The following ATP6V0D2 variants were observed in gnomAD, a reference collection of about 807,000 sequenced individuals.
ATP6V0D2 encodes the protein ATPase H+ transporting V0 subunit d2.
A neutral mutation model predicts 40.0 loss-of-function variants in ATP6V0D2; 40 were observed. The observed-to-expected ratio is 1.00, with a 90% CI of 0.78 to 1.30. The LOEUF (loss-of-function observed/expected upper bound fraction) is 1.30, where lower values mean the gene tolerates loss of function less well. Among genes scored for constraint, ATP6V0D2 ranks in the 50% most tolerant of loss-of-function variants. The pLI, the probability that ATP6V0D2 is intolerant of heterozygous loss-of-function variation, is 0.00. For missense variants in ATP6V0D2, 470 were observed against 423.1 expected, an observed-to-expected ratio of 1.11 and a Z score of -0.97; for synonymous variants, 179 against 156.3, an observed-to-expected ratio of 1.15 and a Z score of -1.08.
chr8:86,144,670 G>A (rs1410852565), intron 5 of ATP6V0D2, among the ~76,000 whole-genome samples: 3 of 152,008 alleles, frequency 2.0e-5, no homozygotes, highest in Non-Finnish European at 4.4e-5. Context: ...TTGTTTGTTT[G>A]TTTTGATTTT....
At chr8:86,106,423 A>G (rs1356511939) in intron 1 of ATP6V0D2, among the ~76,000 whole-genome samples, 1 of 152,180 alleles carries the variant, frequency 6.6e-6, no homozygotes, top group Admixed American at 6.5e-5. Flanking sequence ...GTGAGCACTG[A>G]TAAGTGCTTT....
intron 2 of ATP6V0D2, among the ~76,000 whole-genome samples, chr8:86,125,932 A>G (rs534648169): frequency 6.7e-6 from 1 of 149,512 alleles, no homozygotes; most frequent in South Asian, 2.1e-4. Flanking sequence ...ACTTAATTTA[A>G]TTCATTAACT....
intron 2 of ATP6V0D2, among the ~76,000 whole-genome samples, chr8:86,120,265 G>C (rs1368890076): frequency 6.6e-6 from 1 of 152,064 alleles, no homozygotes; most frequent in Non-Finnish European, 1.5e-5. Context: ...GCCCAGTGTG[G>C]TGGTACATAC....
chr8:86,145,173 AGAAAG>A (rs1288683631), intron 5 of ATP6V0D2, among the ~76,000 whole-genome samples: 12 of 59,190 alleles, frequency 2.0e-4, no homozygotes, highest in African/African-American at 6.7e-4. Flanking sequence ...AAAGAAAGAG[AGAAAG>A]AGAGAAAGAA....
In ATP6V0D2 at chr8:86,098,967, A is replaced by G. The variant is rs763449538; in HGVS notation, c.-12A>G. 1.9e-6 allele frequency: 3 copies of G among 1,612,444 alleles called. No homozygotes were observed. Among genetic ancestry groups the G allele is most frequent in the South Asian group, 1.1e-5 (1 of 90,752 alleles). On this transcript the variant is annotated 5_prime_UTR_variant, in exon 1 of 8. Coordinates refer to ENST00000285393, the MANE Select transcript of ATP6V0D2 (RefSeq NM_152565.1). ...GCTGTTTCACCCTACCTTGGCTTCA[A>G]TCTCTTCCCCCATGCTCGAAGGTGC...
rs185038334 is a variant in ATP6V0D2, at chr8:86,109,922, C to T, written c.131-3787C>T. Among the ~76,000 whole-genome samples, 798 of 152,212 alleles carry T rather than the reference C, an allele frequency of 5.2e-3. 1 individual carries two copies. The highest frequency in any genetic ancestry group is 0.018 in the African/African-American group (731 of 41,542). ...CTACCAGAGCAATCCATTCATAGCT[C>T]GCAGTGGCTTCCTGTTATCTCAGGA... On this transcript the variant is annotated intron_variant, in intron 1 of 7. Coordinates refer to ENST00000285393, the MANE Select transcript of ATP6V0D2 (RefSeq NM_152565.1).
At chr8:86,124,085 T>C (rs1326807529) in intron 2 of ATP6V0D2, among the ~76,000 whole-genome samples, 2 of 152,158 alleles carry the variant, frequency 1.3e-5, no homozygotes, top group African/African-American at 4.8e-5. Flanking sequence ...ATCCTGAGTC[T>C]CTGGTCGGAA....
chr8:86,118,659 A>G (rs1410915688), intron 2 of ATP6V0D2, among the ~76,000 whole-genome samples: 1 of 152,152 alleles, frequency 6.6e-6, no homozygotes, highest in East Asian at 1.9e-4. Context: ...AATACCTGGC[A>G]TGGATAATTA....
intron 2 of ATP6V0D2, among the ~76,000 whole-genome samples, chr8:86,137,741 A>T (rs1818917389): frequency 6.6e-6 from 1 of 152,104 alleles, no homozygotes; most frequent in Non-Finnish European, 1.5e-5. Context: ...AAAGCACATA[A>T]TGTGAGGGTT....
intron 2 of ATP6V0D2, among the ~76,000 whole-genome samples, chr8:86,129,925 T>G (rs1450884301): frequency 6.9e-6 from 1 of 144,698 alleles, no homozygotes; most frequent in Non-Finnish European, 1.5e-5. Context: ...TGCAGTGGTC[T>G]GTGATTGTAC....
At chr8:86,122,989 C>T (rs1818692956) in intron 2 of ATP6V0D2, among the ~76,000 whole-genome samples, 1 of 152,170 alleles carries the variant, frequency 6.6e-6, no homozygotes, top group Non-Finnish European at 1.5e-5. Context: ...ACTATCAATT[C>T]CATGCTTCTT....
intron 5 of ATP6V0D2, among the ~76,000 whole-genome samples, chr8:86,143,917 G>A (rs963941276): frequency 3.3e-5 from 5 of 152,050 alleles, no homozygotes; most frequent in Non-Finnish European, 5.9e-5. Flanking sequence ...CCACAACTTG[G>A]CATCAAAAGT....
chr8:86,125,780 G>T (rs1378237326), intron 2 of ATP6V0D2, among the ~76,000 whole-genome samples: 1 of 151,684 alleles, frequency 6.6e-6, no homozygotes, highest in African/African-American at 2.4e-5. Flanking sequence ...ATGCATAGTT[G>T]GGCTTATTGT....
intron 1 of ATP6V0D2, among the ~76,000 whole-genome samples, chr8:86,110,409 A>G (rs1744177091): frequency 6.6e-6 from 1 of 152,180 alleles, no homozygotes; most frequent in East Asian, 1.9e-4. Flanking sequence ...GTGTTTTAAT[A>G]TATGTATTAA....
chr8:86,106,320 A>G (rs1818470495), intron 1 of ATP6V0D2, among the ~76,000 whole-genome samples: 1 of 152,048 alleles, frequency 6.6e-6, no homozygotes, highest in Non-Finnish European at 1.5e-5. Context: ...ATTTGCAAAG[A>G]CAAGGTCTCA....
intron 1 of ATP6V0D2, among the ~76,000 whole-genome samples, chr8:86,105,373 T>A (rs935529159): frequency 1.3e-5 from 2 of 151,870 alleles, no homozygotes; most frequent in African/African-American, 4.8e-5. Flanking sequence ...TCTCAGTTAC[T>A]GCAACCTCTA....
chr8:86,123,968 T>A (rs1818707081), intron 2 of ATP6V0D2, among the ~76,000 whole-genome samples: 1 of 152,196 alleles, frequency 6.6e-6, no homozygotes, highest in Admixed American at 6.5e-5. Context: ...GTTTTGTGTC[T>A]TTCTTTCCCC....
intron 1 of ATP6V0D2, among the ~76,000 whole-genome samples, chr8:86,104,676 T>C (rs1818445860): frequency 2.0e-5 from 3 of 152,124 alleles, no homozygotes; most frequent in Non-Finnish European, 1.5e-5. Flanking sequence ...TGTCACTGTT[T>C]ACCCATATAT....
At chr8:86,102,746 G>A (rs1465221366) in intron 1 of ATP6V0D2, among the ~76,000 whole-genome samples, 1 of 152,148 alleles carries the variant, frequency 6.6e-6, no homozygotes, top group East Asian at 1.9e-4. Context: ...CTGACTAATT[G>A]TGACTTGATT....
Sources: allele counts gnomAD v4.1 joint callset (sites outside exome capture counted in the v4.1 genomes callset), GRCh38; gene constraint gnomAD v4.1.1; transcripts MANE v1.5; gene names NCBI Gene and HGNC (gene_info 2026-07-23, HGNC 2026-07-21).